The following ATG10 variants were observed in gnomAD, a reference collection of about 807,000 sequenced individuals.
ATG10 encodes the protein autophagy related 10.
ATG10 carries 30 observed loss-of-function variants against 32.1 expected under a neutral mutation model. That is an observed-to-expected ratio of 0.94 (90% CI 0.70 to 1.27). The LOEUF (loss-of-function observed/expected upper bound fraction) is 1.27. Among genes scored for constraint, ATG10 ranks in the 50% most tolerant of loss-of-function variants. The probability of loss-of-function intolerance (pLI) is 0.00; values close to 1 mark genes in which losing one functional copy is unlikely to be tolerated. For synonymous variants in ATG10, 87 were observed against 91.5 expected (o/e 0.95, Z 0.28); for missense variants, 233 against 262.3 (o/e 0.89, Z 0.77).
At chr5:82,231,447 A>G (rs1457587631) in intron 5 of ATG10, among the ~76,000 whole-genome samples, 2 of 152,234 alleles carry the variant, frequency 1.3e-5, no homozygotes, top group African/African-American at 2.4e-5. Flanking sequence ...GCAAAACACC[A>G]TAATACAATG....
chr5:82,179,235 GT>G (rs1334088984), intron 5 of ATG10, among the ~76,000 whole-genome samples: 2 of 152,094 alleles, frequency 1.3e-5, no homozygotes, highest in East Asian at 3.8e-4. Context: ...ACCATCCTAA[GT>G]CTGGGACTGT....
intron 2 of ATG10, among the ~76,000 whole-genome samples, chr5:81,993,368 CTTTT>C (rs1246629034): frequency 0.075 from 3,080 of 40,822 alleles, 356 homozygotes; most frequent in African/African-American, 0.22. Context: ...TCCTTCTTTT[CTTTT>C]CTTTTCTTTT....
chr5:82,141,207 C>T (rs1346983476), intron 3 of ATG10, among the ~76,000 whole-genome samples: 1 of 143,332 alleles, frequency 7.0e-6, no homozygotes, highest in Non-Finnish European at 1.5e-5. Flanking sequence ...GAGAAACACC[C>T]AAGAATTATC....
At position 82,234,769 on chromosome 5, in the gene ATG10, G is replaced by C. The variant is rs1746493489; in HGVS notation, c.454-17793G>C. 2.0e-5 allele frequency among the ~76,000 whole-genome samples: 3 copies of C among 152,074 alleles called. No homozygotes were observed. The South Asian group carries it at 6.2e-4, about 31-fold the overall frequency. ...AAATGTTCAGTTCATACACTTGTTT[G>C]TGTGATTCCCTTTTAGAGGGAATAC... On this transcript the variant is annotated intron_variant, in intron 5 of 7. Transcript: ENST00000282185.
intron 5 of ATG10, among the ~76,000 whole-genome samples, chr5:82,230,519 G>A (rs1027552603): frequency 6.6e-6 from 1 of 151,952 alleles, no homozygotes; most frequent in African/African-American, 2.4e-5. Context: ...GGATCACGAG[G>A]TCAAGAGATG....
rs567230508 is a variant in ATG10, at chr5:81,984,808, A to G, written c.-12-2751A>G. On this transcript the variant is annotated intron_variant, in intron 1 of 7. Coordinates refer to ENST00000282185, the MANE Select transcript of ATG10 (RefSeq NM_031482.5). ...TGATTGAATTATATTTACATTTTTGAGTTGAAATATTCTTGCTTGATCAAA... is the reference window on the plus strand; with the variant it reads ...TGATTGAATTATATTTACATTTTTGGGTTGAAATATTCTTGCTTGATCAAA... Among the ~76,000 whole-genome samples the G allele has an allele frequency of 2.6e-5, 4 of 152,328 alleles. No individual in the cohort carries two copies. In the East Asian group the frequency reaches 5.8e-4, roughly 22 times the overall value.
intron 1 of ATG10, among the ~76,000 whole-genome samples, chr5:81,985,211 T>C (rs1265339870): frequency 6.6e-6 from 1 of 152,236 alleles, no homozygotes; most frequent in African/African-American, 2.4e-5. Flanking sequence ...TTTAAAAATA[T>C]TACTAAGTAT....
intron 5 of ATG10, among the ~76,000 whole-genome samples, chr5:82,197,265 CTT>C (rs1406893441): frequency 2.0e-5 from 3 of 151,978 alleles, no homozygotes; most frequent in Admixed American, 2.0e-4. Flanking sequence ...TTGCTGAACT[CTT>C]TTATTAGGTC....
intron 2 of ATG10, among the ~76,000 whole-genome samples, chr5:82,015,565 A>G (rs190808210): frequency 6.6e-6 from 1 of 152,192 alleles, no homozygotes; most frequent in Non-Finnish European, 1.5e-5. Flanking sequence ...TTCTCGCTTC[A>G]ATTCATTCAT....
intron 1 of ATG10, among the ~76,000 whole-genome samples, chr5:81,982,844 G>GAC (rs1371404145): frequency 5.9e-5 from 9 of 152,194 alleles, no homozygotes; most frequent in African/African-American, 1.9e-4. Context: ...ACCCCGAGTG[G>GAC]ACACAGCACA....
intron 5 of ATG10, among the ~76,000 whole-genome samples, chr5:82,248,296 A>T (rs546626923): frequency 5.9e-5 from 9 of 152,192 alleles, no homozygotes; most frequent in Non-Finnish European, 1.0e-4. Flanking sequence ...TTTTCTTTTC[A>T]TTTAGTACCT....
At chr5:82,009,613 A>T in intron 2 of ATG10, 1 of 1,589,708 alleles carries the variant, frequency 6.3e-7, no homozygotes, top group Admixed American at 1.7e-5. Flanking sequence ...AGTTGTCCAC[A>T]GTCAGCAATG....
intron 2 of ATG10, among the ~76,000 whole-genome samples, chr5:82,054,865 T>TA (rs1259185197): frequency 6.6e-6 from 1 of 152,176 alleles, no homozygotes; most frequent in Non-Finnish European, 1.5e-5. Flanking sequence ...TAACAAATGT[T>TA]AAAAAATTAA....
At chr5:82,150,464 A>G (rs72776883) in intron 3 of ATG10, among the ~76,000 whole-genome samples, 1 of 152,188 alleles carries the variant, frequency 6.6e-6, no homozygotes, top group Admixed American at 6.5e-5. Flanking sequence ...TTACCAGCCT[A>G]AGCTTCTTTT....
At chr5:82,074,221 A>C (rs1412589328) in intron 3 of ATG10, among the ~76,000 whole-genome samples, 1 of 152,224 alleles carries the variant, frequency 6.6e-6, no homozygotes, top group African/African-American at 2.4e-5. Context: ...CCTTTTGTAT[A>C]AAATTTCTGT....
At chr5:82,162,717 G>T (rs1296004157) in intron 3 of ATG10, among the ~76,000 whole-genome samples, 1 of 151,540 alleles carries the variant, frequency 6.6e-6, no homozygotes, top group African/African-American at 2.4e-5. Flanking sequence ...GAAATATAGA[G>T]AAGGCATTAA....
intron 1 of ATG10, among the ~76,000 whole-genome samples, chr5:81,985,647 C>T (rs992035919): frequency 6.6e-6 from 1 of 152,232 alleles, no homozygotes; most frequent in African/African-American, 2.4e-5. Context: ...CCCTGTCCCT[C>T]ACCAATCTTT....
chr5:82,154,594 T>A (rs1381630012), intron 3 of ATG10, among the ~76,000 whole-genome samples: 1 of 152,218 alleles, frequency 6.6e-6, no homozygotes, highest in Non-Finnish European at 1.5e-5. Context: ...TGTGCTTTTT[T>A]ATTTTTGCCT....
chr5:82,066,100 G>A (rs1015708333), intron 3 of ATG10, among the ~76,000 whole-genome samples: 1 of 151,848 alleles, frequency 6.6e-6, no homozygotes, highest in African/African-American at 2.4e-5. Flanking sequence ...CTCAGAAAGG[G>A]GAAATATCTG....
Sources: gnomAD v4.1 joint callset for allele counts (sites outside exome capture counted in the v4.1 genomes callset) on GRCh38, gnomAD v4.1.1 for gene constraint, MANE v1.5 for transcripts, NCBI Gene and HGNC (gene_info 2026-07-23, HGNC 2026-07-21) for gene names.